OPCML: variants seen among roughly 807,000 people sequenced by gnomAD.
OPCML encodes the protein opioid binding protein/cell adhesion molecule like, also known as opioid-binding protein/cell adhesion molecule.
A neutral mutation model predicts 37.8 loss-of-function variants in OPCML; 13 were observed. The observed-to-expected ratio is 0.34, with a 90% CI of 0.22 to 0.55. OPCML has a LOEUF of 0.55. OPCML is among the 20% of genes least tolerant of loss of function. OPCML has a pLI of 0.91. For missense variants in OPCML, 341 were observed against 435.6 expected, an observed-to-expected ratio of 0.78 and a Z score of 1.93; for synonymous variants, 176 against 168.8, an observed-to-expected ratio of 1.04 and a Z score of -0.33.
At chr11:132,754,926 G>A (rs1428789722) in intron 2 of OPCML, among the ~76,000 whole-genome samples, 1 of 152,168 alleles carries the variant, frequency 6.6e-6, no homozygotes, top group Non-Finnish European at 1.5e-5. Context: ...ATGCATGGGA[G>A]GGAAAGAAAT....
intron 1 of OPCML, among the ~76,000 whole-genome samples, chr11:133,254,766 G>A (rs926128831): frequency 6.6e-6 from 1 of 152,206 alleles, no homozygotes; most frequent in African/African-American, 2.4e-5. Flanking sequence ...AGTCAAGTTT[G>A]CAGGGGAGTG....
At chr11:132,832,146 C>A (rs1264679504) in intron 2 of OPCML, among the ~76,000 whole-genome samples, 1 of 151,828 alleles carries the variant, frequency 6.6e-6, no homozygotes, top group East Asian at 1.9e-4. Context: ...TCCCTAGTCA[C>A]ATCCCAGAAG....
At chr11:132,983,825 T>C (rs1047115763) in intron 1 of OPCML, among the ~76,000 whole-genome samples, 2 of 152,234 alleles carry the variant, frequency 1.3e-5, no homozygotes, top group Non-Finnish European at 2.9e-5. Flanking sequence ...AAGCCAATTA[T>C]GTTAATGGCC....
intron 3 of OPCML, among the ~76,000 whole-genome samples, chr11:132,645,616 C>T (rs1197637139): frequency 3.3e-5 from 5 of 152,116 alleles, no homozygotes; most frequent in Non-Finnish European, 5.9e-5. Context: ...CCACCAATAA[C>T]TGAAATTTGA....
intron 1 of OPCML, among the ~76,000 whole-genome samples, chr11:133,322,671 A>G (rs2136625106): frequency 6.6e-6 from 1 of 152,280 alleles, no homozygotes; most frequent in South Asian, 2.1e-4. Context: ...TGCTACCACC[A>G]ATGACCCAAT....
At chr11:132,500,309 G>C (rs1477110872) in intron 4 of OPCML, among the ~76,000 whole-genome samples, 1 of 152,078 alleles carries the variant, frequency 6.6e-6, no homozygotes, top group Non-Finnish European at 1.5e-5. Flanking sequence ...GATAGGTCTG[G>C]GGTGGGACAT....
At chr11:132,630,299 C>CCCAGCACTTTGGGAGG (rs1250741726) in intron 3 of OPCML, among the ~76,000 whole-genome samples, 1 of 152,156 alleles carries the variant, frequency 6.6e-6, no homozygotes, top group East Asian at 1.9e-4. Flanking sequence ...GTGGCTCACA[C>CCCAGCACTTTGGGAGG]CTGTAATCCC....
intron 2 of OPCML, among the ~76,000 whole-genome samples, chr11:132,694,443 C>T (rs1439673455): frequency 1.3e-5 from 2 of 152,010 alleles, no homozygotes; most frequent in African/African-American, 2.4e-5. Context: ...GTGATCTGCC[C>T]ATCTCGGCCT....
At chr11:133,252,498 G>A (rs531787119) in intron 1 of OPCML, among the ~76,000 whole-genome samples, 18 of 152,184 alleles carry the variant, frequency 1.2e-4, no homozygotes, top group Non-Finnish European at 2.4e-4. Context: ...ATCAGGTGCT[G>A]CAGTGCTTAG....
chr11:133,468,965 G>C (rs555933698), intron 1 of OPCML, among the ~76,000 whole-genome samples: 1 of 152,270 alleles, frequency 6.6e-6, no homozygotes, highest in South Asian at 2.1e-4. Context: ...AAAAATGGTA[G>C]GATAGTCACC....
chr11:132,875,909 T>C (rs949877062), intron 2 of OPCML, among the ~76,000 whole-genome samples: 8 of 152,236 alleles, frequency 5.3e-5, no homozygotes, highest in African/African-American at 9.6e-5. Context: ...CATATCGACA[T>C]ACAAACTGCA....
intron 1 of OPCML, among the ~76,000 whole-genome samples, chr11:133,394,837 G>C (rs1945252261): frequency 6.6e-6 from 1 of 152,192 alleles, no homozygotes; most frequent in Admixed American, 6.5e-5. Flanking sequence ...ACAAACATGA[G>C]AGTGCAGACA....
At chr11:132,910,788 T>C (rs1476238644) in intron 2 of OPCML, among the ~76,000 whole-genome samples, 1 of 152,240 alleles carries the variant, frequency 6.6e-6, no homozygotes, top group Non-Finnish European at 1.5e-5. Flanking sequence ...CCCAAGTCTT[T>C]CCAGTTGCAA....
rs770869894 is a variant in OPCML at position 133,173,658 on chromosome 11, G to T, written c.62-230648C>A. ...AGTAACGCGATGAGGCTAACGTAAG[G>T]GTAGACACCTCCCTGCAGATAATAA... is the stretch of plus-strand genomic sequence containing the variant. On this transcript the variant is annotated intron_variant, in intron 1 of 7. Coordinates refer to ENST00000524381, the MANE Select transcript of OPCML (RefSeq NM_001012393.5). The surrounding 1 kb of genome is among the most constrained non-coding windows in gnomAD (Gnocchi z 7.8). 1.3e-5 allele frequency among the ~76,000 whole-genome samples: 2 copies of T among 152,078 alleles called. No homozygotes were observed. The highest frequency in any genetic ancestry group is 4.8e-5 in the African/African-American group (2 of 41,388).
chr11:132,887,089 C>T (rs1464003870), intron 2 of OPCML, among the ~76,000 whole-genome samples: 1 of 152,178 alleles, frequency 6.6e-6, no homozygotes, highest in African/African-American at 2.4e-5. Flanking sequence ...TAGTCATGCA[C>T]CATATAACAA....
chr11:133,103,245 C>G (rs1038779405), intron 1 of OPCML, among the ~76,000 whole-genome samples: 1 of 152,162 alleles, frequency 6.6e-6, no homozygotes, highest in African/African-American at 2.4e-5. Context: ...AACCTTTACA[C>G]GTCTACTAGT....
At chr11:133,221,930 AT>A (rs1168859647) in intron 1 of OPCML, among the ~76,000 whole-genome samples, 3 of 152,302 alleles carry the variant, frequency 2.0e-5, no homozygotes, top group Non-Finnish European at 4.4e-5. Flanking sequence ...TCTTCTGAAG[AT>A]GTCTTATGTG....
chr11:132,850,790 C>T (rs778879026), intron 2 of OPCML, among the ~76,000 whole-genome samples: 8 of 152,166 alleles, frequency 5.3e-5, no homozygotes, highest in Admixed American at 6.5e-5. Context: ...ACTATGCATA[C>T]AATAATAATA....
At chr11:133,326,606 A>C in intron 1 of OPCML, among the ~76,000 whole-genome samples, 1 of 105,214 alleles carries the variant, frequency 9.5e-6, no homozygotes, top group African/African-American at 3.7e-5. Flanking sequence ...TTGTGGGTAT[A>C]TGTGTGTACA....
Sources: allele counts gnomAD v4.1 joint callset (sites outside exome capture counted in the v4.1 genomes callset), GRCh38; gene constraint gnomAD v4.1.1; non-coding constraint Gnocchi (gnomAD v3.1); transcripts MANE v1.5; gene names NCBI Gene and HGNC (gene_info 2026-07-23, HGNC 2026-07-21).